The following MAP2K3 variants were observed in gnomAD, a reference collection of about 807,000 sequenced individuals.
MAP2K3 encodes the protein mitogen-activated protein kinase kinase 3.
MAP2K3 carries 30 observed loss-of-function variants against 46.4 expected under a neutral mutation model. The ratio of observed to expected loss-of-function variants is 0.65; its 90% CI spans 0.48 to 0.88. The LOEUF is 0.88. MAP2K3 is among the 40% of genes least tolerant of loss of function. The pLI, the probability that MAP2K3 is intolerant of heterozygous loss-of-function variation, is 0.00. For synonymous variants in MAP2K3, 189 were observed against 176.3 expected (o/e 1.07, Z -0.57); for missense variants, 380 against 464.5 (o/e 0.82, Z 1.67).
intron 1 of MAP2K3, chr17:21,296,177 A>G (rs1445242409): frequency 7.8e-7 from 1 of 1,289,506 alleles, no homozygotes; most frequent in African/African-American, 1.5e-5. Flanking sequence ...TGCAGACGTG[A>G]TCTTGCTTCG....
intron 1 of MAP2K3, chr17:21,295,804 C>G: frequency 9.3e-6 from 12 of 1,289,348 alleles, no homozygotes; most frequent in Non-Finnish European, 1.2e-5. Flanking sequence ...GGGGGGGCCA[C>G]ATGATACAAC....
intron 1 of MAP2K3, among the ~76,000 whole-genome samples, chr17:21,293,430 A>G (rs1976056929): frequency 6.6e-6 from 1 of 152,308 alleles, no homozygotes. Flanking sequence ...GGCTGTTGGC[A>G]TTGGGCGGGA....
chr17:21,298,332 C>A (rs1976379956), intron 1 of MAP2K3, 81 bp from the exon 2 acceptor site: 1 of 1,591,438 alleles, frequency 6.3e-7, no homozygotes. Flanking sequence ...CCTTGTGGGC[C>A]AGGGCCTGAT....
At chr17:21,299,097 CTT>C (rs1976441979) in intron 3 of MAP2K3, among the ~76,000 whole-genome samples, 171 bp downstream of exon 3, 8 of 152,308 alleles carry the variant, frequency 5.3e-5, no homozygotes, top group Non-Finnish European at 7.3e-5. Context: ...GCCACCCACT[CTT>C]TGACCCTCCT....
intron 6 of MAP2K3, 28 bp downstream of exon 6, chr17:21,302,287 G>C (rs1393813594): frequency 1.9e-6 from 3 of 1,568,974 alleles, no homozygotes; most frequent in South Asian, 1.1e-5. Context: ...GCTGGCGGGG[G>C]GTCCTAGGTG....
chr17:21,295,283 G>T (rs1976175450), intron 1 of MAP2K3, among the ~76,000 whole-genome samples: 1 of 152,312 alleles, frequency 6.6e-6, no homozygotes, highest in Non-Finnish European at 1.5e-5. Flanking sequence ...TAGTCTGGGG[G>T]TGCCTCTCTT....
At chr17:21,288,050 G>T (rs996017293) in intron 1 of MAP2K3, 4 of 1,289,100 alleles carry the variant, frequency 3.1e-6, no homozygotes, top group Admixed American at 4.6e-5. Flanking sequence ...TTCTCAGTTG[G>T]CCCGTGTGAG....
chr17:21,312,257 A>C lies in MAP2K3; in HGVS notation c.890A>C (p.Glu297Ala). The C allele has an allele frequency of 2.5e-6, 4 of 1,600,622 alleles. No homozygotes were observed. The South Asian group carries it at 3.4e-5, about 13-fold the overall frequency. Residue 297 changes from glutamate to alanine, a missense_variant, in exon 10 of 12, where the codon GAG becomes GCG. Coordinates refer to ENST00000342679, the MANE Select transcript of MAP2K3 (RefSeq NM_145109.3). ...PQLPADRFSPEFVDFTAQCLR... is the reference protein window; with the variant it reads ...PQLPADRFSPAFVDFTAQCLR... ...CTCCCAGCCGACCGTTTCTCCCCCG[A>C]GTTTGTGGACTTCACTGCTCAGTGG...
intron 1 of MAP2K3, chr17:21,288,093 T>C: frequency 7.8e-7 from 1 of 1,289,126 alleles, no homozygotes; most frequent in Non-Finnish European, 1.0e-6. Flanking sequence ...CTTCCGGCGG[T>C]GAGTCAGCGG....
intron 10 of MAP2K3, among the ~76,000 whole-genome samples, chr17:21,312,966 A>G (rs1279439365): frequency 7.9e-5 from 12 of 151,850 alleles, no homozygotes; most frequent in Admixed American, 7.2e-4. Context: ...AATAAGGAAG[A>G]GGGCAACTTC....
intron 9 of MAP2K3, among the ~76,000 whole-genome samples, chr17:21,306,265 G>A (rs61297031): frequency 2.1e-5 from 3 of 145,736 alleles, no homozygotes; most frequent in South Asian, 4.5e-4. Context: ...TGACCCTCTC[G>A]TAAGGTTTGA....
intron 9 of MAP2K3, among the ~76,000 whole-genome samples, chr17:21,307,315 C>T (rs1976937944): frequency 6.6e-6 from 1 of 152,302 alleles, no homozygotes; most frequent in Non-Finnish European, 1.5e-5. Flanking sequence ...TTAGGAGCTC[C>T]ATGCCAGGAA....
intron 1 of MAP2K3, chr17:21,287,854 G>A (rs758086357): frequency 3.4e-5 from 13 of 380,144 alleles, no homozygotes; most frequent in Non-Finnish European, 5.8e-5. Context: ...CTGACTGCCC[G>A]ATGGTGACAC....
At chr17:21,289,453 G>A (rs1975821943) in intron 1 of MAP2K3, among the ~76,000 whole-genome samples, 1 of 152,054 alleles carries the variant, frequency 6.6e-6, no homozygotes, top group Non-Finnish European at 1.5e-5. Flanking sequence ...GGGGTGGTGG[G>A]CCAAGCTGAG....
At chr17:21,296,041 T>C in intron 1 of MAP2K3, 1 of 1,288,194 alleles carries the variant, frequency 7.8e-7, no homozygotes, top group Non-Finnish European at 1.0e-6. Context: ...AAAAGCTACC[T>C]ATAATTCTCA....
At chr17:21,307,224 C>T (rs1976933902) in intron 9 of MAP2K3, among the ~76,000 whole-genome samples, 2 of 152,306 alleles carry the variant, frequency 1.3e-5, no homozygotes, top group African/African-American at 4.8e-5. Flanking sequence ...GGGGCCTTAC[C>T]CTGAGTCACC....
chr17:21,296,526 T>C (rs1421705752), intron 1 of MAP2K3, among the ~76,000 whole-genome samples: 1 of 152,310 alleles, frequency 6.6e-6, no homozygotes. Context: ...GCAGGGGTGC[T>C]GTGAGCCATG....
chr17:21,289,011 C>A (rs1975804091), intron 1 of MAP2K3, among the ~76,000 whole-genome samples: 9 of 152,244 alleles, frequency 5.9e-5, no homozygotes. Flanking sequence ...AAGTGAATGG[C>A]ACCTGTTATT....
At chr17:21,304,081 C>T (rs1433960907) in intron 7 of MAP2K3, among the ~76,000 whole-genome samples, 2 of 152,308 alleles carry the variant, frequency 1.3e-5, no homozygotes, top group Non-Finnish European at 2.9e-5. Flanking sequence ...GGAGCACCCA[C>T]ACAAGCCAGG....
Sources: allele counts gnomAD v4.1 joint callset (sites outside exome capture counted in the v4.1 genomes callset), GRCh38; gene constraint gnomAD v4.1.1; transcripts MANE v1.5; gene names NCBI Gene and HGNC (gene_info 2026-07-23, HGNC 2026-07-21).